The following RORB variants were observed in gnomAD, a reference collection of about 807,000 sequenced individuals.
The protein encoded by RORB is nuclear receptor ROR-beta.
RORB carries 6 observed loss-of-function variants against 59.1 expected under a neutral mutation model. The ratio of observed to expected loss-of-function variants is 0.10; its 90% CI spans 0.06 to 0.20. RORB has a LOEUF of 0.20. Among genes scored for constraint, RORB ranks in the 10% least tolerant of loss-of-function variants. RORB has a pLI of 1.00. For synonymous variants in RORB, 215 were observed against 204.5 expected, an observed-to-expected ratio of 1.05 and a Z score of -0.44; for missense variants, 320 against 560.5, an observed-to-expected ratio of 0.57 and a Z score of 4.33.
chr9:74,585,212 ACAGCTTC>A (rs1437747416), intron 1 of RORB, among the ~76,000 whole-genome samples: 4 of 152,214 alleles, frequency 2.6e-5, no homozygotes. Context: ...CTCCCCATCA[ACAGCTTC>A]CAAAAGTACG....
chr9:74,671,560 C>T (rs1217974057), intron 8 of RORB, among the ~76,000 whole-genome samples: 1 of 152,170 alleles, frequency 6.6e-6, no homozygotes, highest in Non-Finnish European at 1.5e-5. Flanking sequence ...ATTATCTGAA[C>T]CATTGTGTCC....
intron 1 of RORB, among the ~76,000 whole-genome samples, chr9:74,545,647 T>A (rs1826475220): frequency 6.6e-6 from 1 of 152,192 alleles, no homozygotes; most frequent in African/African-American, 2.4e-5. Flanking sequence ...AGAAAACTAA[T>A]CTGATTAGGC....
At chr9:74,667,300 C>T (rs559657775) in intron 7 of RORB, among the ~76,000 whole-genome samples, 1 of 152,186 alleles carries the variant, frequency 6.6e-6, no homozygotes, top group Non-Finnish European at 1.5e-5. Flanking sequence ...CATCTCTGTT[C>T]CATTAGATAT....
At chr9:74,508,330 T>C (rs979871903) in intron 1 of RORB, among the ~76,000 whole-genome samples, 1 of 152,018 alleles carries the variant, frequency 6.6e-6, no homozygotes, top group African/African-American at 2.4e-5. Flanking sequence ...AAGTTCTGGC[T>C]GCCACTTATG....
intron 1 of RORB, among the ~76,000 whole-genome samples, chr9:74,612,854 AAAAAAAAG>A (rs1823253849): frequency 6.7e-6 from 1 of 149,836 alleles, no homozygotes; most frequent in Non-Finnish European, 1.5e-5. Context: ...CTTTCTGACA[AAAAAAAAG>A]AAGTTCTTAA....
chr9:74,526,447 A>G (rs989331499), intron 1 of RORB, among the ~76,000 whole-genome samples: 1 of 151,738 alleles, frequency 6.6e-6, no homozygotes, highest in African/African-American at 2.4e-5. Context: ...CTCCTCCATC[A>G]CACTTTCTCC....
At chr9:74,570,811 C>G (rs779269673) in intron 1 of RORB, among the ~76,000 whole-genome samples, 10 of 152,132 alleles carry the variant, frequency 6.6e-5, no homozygotes, top group Non-Finnish European at 1.3e-4. Flanking sequence ...TCTTACTATA[C>G]CTCCGAGTTA....
intron 1 of RORB, among the ~76,000 whole-genome samples, chr9:74,527,721 C>A (rs531491862): frequency 6.6e-6 from 1 of 152,014 alleles, no homozygotes; most frequent in Non-Finnish European, 1.5e-5. Context: ...GGCCAGTGCT[C>A]TTTGCACCAT....
At chr9:74,651,366 C>G (rs2118486607) in intron 4 of RORB, among the ~76,000 whole-genome samples, 1 of 152,258 alleles carries the variant, frequency 6.6e-6, no homozygotes, top group Admixed American at 6.5e-5. Flanking sequence ...GAAACCCTGT[C>G]TCCACTAAAA....
At chr9:74,559,236 C>T (rs1167650348) in intron 1 of RORB, among the ~76,000 whole-genome samples, 1 of 152,158 alleles carries the variant, frequency 6.6e-6, no homozygotes, top group Admixed American at 6.6e-5. Context: ...AGATTTGTGT[C>T]TTTTTAACAA....
At chr9:74,556,043 T>C (rs1375388509) in intron 1 of RORB, among the ~76,000 whole-genome samples, 1 of 152,254 alleles carries the variant, frequency 6.6e-6, no homozygotes, top group Non-Finnish European at 1.5e-5. Flanking sequence ...TCACTTTTTC[T>C]GAGATCAAGT....
At chr9:74,630,424 A>T (rs1043097709) in intron 2 of RORB, 57 bp downstream of exon 2, 23 of 1,306,980 alleles carry the variant, frequency 1.8e-5, no homozygotes, top group Non-Finnish European at 2.3e-5. Context: ...TGTGTACCTC[A>T]CAAGATGCGG....
At chr9:74,505,974 TAA>T (rs34273204) in intron 1 of RORB, among the ~76,000 whole-genome samples, 6 of 144,904 alleles carry the variant, frequency 4.1e-5, no homozygotes, top group African/African-American at 2.5e-5. Context: ...CAGCTTGTTT[TAA>T]AAAAAAAAAA....
intron 1 of RORB, among the ~76,000 whole-genome samples, chr9:74,570,790 G>A (rs934799236): frequency 2.0e-5 from 3 of 151,966 alleles, no homozygotes; most frequent in African/African-American, 7.3e-5. Context: ...AATACATGCC[G>A]TTTGATTAAT....
At chr9:74,671,932 C>T in intron 9 of RORB, 31 bp downstream of exon 9, 3 of 1,265,468 alleles carry the variant, frequency 2.4e-6, no homozygotes, top group East Asian at 2.4e-5. Context: ...GCCACCACCA[C>T]CAAAAGAGAG....
In RORB at chr9:74,642,738, C is replaced by A. The variant is rs1432433704; in HGVS notation, c.560C>A (p.Thr187Lys). The A allele has an allele frequency of 6.2e-7, 1 of 1,613,990 alleles. No individual in the cohort carries two copies. The highest frequency in any genetic ancestry group is 1.7e-5 in the Admixed American group (1 of 60,004). The change falls in exon 4 of 10, where the codon ACA (threonine) becomes AAA (lysine). Residue 187 changes from threonine (T) to lysine (K), a missense_variant. By Grantham distance (78) the Thr-to-Lys change is moderately conservative. Transcript: ENST00000376896. ...AAGCAAGAACCTATCTATGACCTCA[C>A]ATCCGTACCCAACTTGTTTACCTAT... ...QIKQEPIYDLTSVPNLFTYSS... is the reference protein window; with the variant it reads ...QIKQEPIYDLKSVPNLFTYSS...
chr9:74,501,373 A>G (rs1467594863), intron 1 of RORB, among the ~76,000 whole-genome samples: 1 of 152,116 alleles, frequency 6.6e-6, no homozygotes. Flanking sequence ...TGGAGCTCTG[A>G]ATGTCCTGCT....
Position 74,689,252 on chromosome 9 carries a change from C to T in RORB, c.*3634C>T, listed in dbSNP as rs145259316. ...CTGAGTAGCTGGGATTACAGGCACA[C>T]GCCCCCACACCCGGCTAATTTTTGT... is the stretch of plus-strand genomic sequence containing the variant. On this transcript the variant is annotated 3_prime_UTR_variant, in exon 10 of 10. Transcript: ENST00000376896. The T allele has an allele frequency of 5.1e-3, 784 of 152,502 alleles. 5 individuals carry two copies. Among genetic ancestry groups the T allele is most frequent in the African/African-American group, 0.018 (742 of 41,550 alleles). 9.4% of individuals were successfully genotyped at this position (152,502 alleles called of 1,614,324 possible). A position where few individuals can be genotyped will look rare whatever the true frequency, so the allele number is the denominator to read the frequency against.
intron 1 of RORB, among the ~76,000 whole-genome samples, chr9:74,628,272 T>A (rs1275689883): frequency 1.3e-5 from 2 of 152,210 alleles, no homozygotes; most frequent in Admixed American, 6.5e-5. Context: ...CTTAGTCTCA[T>A]AAGTATTTTA....
Sources: allele counts gnomAD v4.1 joint callset (sites outside exome capture counted in the v4.1 genomes callset), GRCh38; gene constraint gnomAD v4.1.1; transcripts MANE v1.5; gene names NCBI Gene and HGNC (gene_info 2026-07-23, HGNC 2026-07-21).